Variants in ERBIN observed in about 807,000 individuals in gnomAD.
ERBIN encodes erbb2 interacting protein.
Under a neutral mutation model 158.4 loss-of-function variants are expected in ERBIN, and 60 were observed. That is an observed-to-expected ratio of 0.38 (90% CI 0.31 to 0.47). The LOEUF (loss-of-function observed/expected upper bound fraction) is 0.47, where lower values mean the gene tolerates loss of function less well. Ranked by LOEUF, ERBIN falls within the 20% of genes least tolerant of loss-of-function variation. The pLI, the probability that ERBIN is intolerant of heterozygous loss-of-function variation, is 0.99. For missense variants in ERBIN, 1,610 were observed against 1,648.0 expected, an observed-to-expected ratio of 0.98 and a Z score of 0.40; for synonymous variants, 594 against 557.2, an observed-to-expected ratio of 1.07 and a Z score of -0.93.
At position 66,053,657 on chromosome 5, in the gene ERBIN, T is replaced by A. The variant is rs879201748; in HGVS notation, c.2339T>A (p.Ile780Asn). ...LITNDTFQPE[I>N]MERSKTQDIV... The stretch of plus-strand genomic sequence containing the variant: ...ACTAATGATACATTTCAACCAGAGA[T>A]CATGGAAAGATCAAAAACACAGGAT... Residue 780 changes from isoleucine to asparagine, a missense_variant, in exon 21 of 26, where the codon ATC (isoleucine) becomes AAC (asparagine). Ile to Asn is a moderately radical substitution (Grantham distance 149). Around this residue, in one of 2 missense-constraint regions of ERBIN, gnomAD observed 1,014 missense variants for 936.1 expected, o/e 1.08. Transcript: ENST00000284037. The A allele has an allele frequency of 3.1e-6, 5 of 1,613,580 alleles. No individual in the cohort carries two copies. The South Asian group carries it at 4.4e-5, about 14-fold the overall frequency.
At position 66,079,049 on chromosome 5, in the gene ERBIN, T is replaced by C. The variant is rs989121790; in HGVS notation, c.*519T>C. ...GAATTGAAGAGTGAGTAGGTGAAGG[T>C]GGTGCTGGTGGGTTCACTTTCCAAG... On this transcript the variant is annotated 3_prime_UTR_variant, in exon 26 of 26. Coordinates refer to ENST00000284037, the MANE Select transcript of ERBIN (RefSeq NM_001253697.2). 48 of 153,314 alleles carry C rather than the reference T, an allele frequency of 3.1e-4. No homozygotes were observed. Among genetic ancestry groups the C allele is most frequent in the Non-Finnish European group, 1.3e-4 (9 of 68,494 alleles). 9.5% of individuals were successfully genotyped at this position (153,314 alleles called of 1,614,324 possible).
chr5:66,024,533 A>T, intron 10 of ERBIN, 83 bp downstream of exon 10: 1 of 1,353,950 alleles, frequency 7.4e-7, no homozygotes, highest in Non-Finnish European at 1.0e-6. Context: ...ACTTGTTATG[A>T]GGTAGTTATA....
chr5:65,959,502 T>C (rs539888068), intron 1 of ERBIN, among the ~76,000 whole-genome samples: 3 of 152,250 alleles, frequency 2.0e-5, no homozygotes, highest in Non-Finnish European at 4.4e-5. Context: ...TCAAGACTCA[T>C]ACAATTTAAT....
intron 1 of ERBIN, among the ~76,000 whole-genome samples, chr5:65,934,601 T>C (rs1743854824): frequency 6.6e-6 from 1 of 152,236 alleles, no homozygotes; most frequent in Non-Finnish European, 1.5e-5. Flanking sequence ...ATTCTTCTTA[T>C]TACGTCTTAT....
chr5:66,075,943 G>A (rs915918646), intron 23 of ERBIN, among the ~76,000 whole-genome samples: 1 of 152,150 alleles, frequency 6.6e-6, no homozygotes, highest in Non-Finnish European at 1.5e-5. Flanking sequence ...CAGAGATACT[G>A]TGTAATTTAG....
At chr5:66,019,924 T>C (rs1057085487) in intron 7 of ERBIN, among the ~76,000 whole-genome samples, 5 of 152,110 alleles carry the variant, frequency 3.3e-5, no homozygotes, top group African/African-American at 1.2e-4. Flanking sequence ...TCTTCACTTT[T>C]TGCAAATCTC....
At chr5:66,033,593 T>C (rs541290355) in intron 14 of ERBIN, among the ~76,000 whole-genome samples, 3 of 152,256 alleles carry the variant, frequency 2.0e-5, no homozygotes, top group African/African-American at 7.2e-5. Context: ...GCTAAAGTAA[T>C]TATAGAGGTA....
At chr5:65,952,987 A>G (rs867567270) in intron 1 of ERBIN, among the ~76,000 whole-genome samples, 5 of 152,324 alleles carry the variant, frequency 3.3e-5, no homozygotes, top group Middle Eastern at 3.4e-3. Context: ...CTTCCTTCGT[A>G]AGTATACCAT....
intron 21 of ERBIN, among the ~76,000 whole-genome samples, chr5:66,063,323 G>A (rs1055458862): frequency 7.2e-5 from 11 of 152,206 alleles, no homozygotes; most frequent in South Asian, 2.1e-4. Context: ...CTCCATGGGC[G>A]TAGGACCCTC....
intron 25 of ERBIN, among the ~76,000 whole-genome samples, chr5:66,078,106 C>T (rs769020299): frequency 1.3e-5 from 2 of 152,136 alleles, no homozygotes; most frequent in Non-Finnish European, 2.9e-5. Flanking sequence ...GCCCTTGCCC[C>T]CTGCTACGCT....
chr5:65,926,997 G>GC lies in ERBIN; in HGVS notation c.-58+199dup, dbSNP rs564334619. On this transcript the variant is annotated intron_variant, in intron 1 of 25. Transcript: ENST00000284037. ...CCCCACCGCGTCCCTTCTCCCCCCT[G>GC]CCCCCCCCACCATCTGGACTTTGAA... Among the ~76,000 whole-genome samples, 162 of 130,086 alleles carry GC rather than the reference G, an allele frequency of 1.2e-3. No homozygotes were observed. The South Asian group carries it at 0.014, about 11-fold the overall frequency. The allele number at this position is 130,086 out of a possible 152,430, so 85.3% of individuals were successfully genotyped here.
At chr5:66,076,242 A>G (rs1373374768) in intron 23 of ERBIN, 74 bp from the exon 24 acceptor site, 4 of 1,112,762 alleles carry the variant, frequency 3.6e-6, no homozygotes, top group Non-Finnish European at 5.4e-6. Flanking sequence ...ACCAATCAGT[A>G]TTTAAATATG....
At position 66,075,115 on chromosome 5, in the gene ERBIN, G is replaced by A; in HGVS notation, c.3848G>A (p.Arg1283Lys). The A allele has an allele frequency of 8.7e-6, 14 of 1,614,152 alleles. No homozygotes were observed. Among genetic ancestry groups the A allele is most frequent in the Non-Finnish European group, 1.2e-5 (14 of 1,180,026 alleles). Reference sequence around the variant, plus strand: ...CACCCCCCTCAGGCATCTGTGGCAAGGCATCCCTCTAGAGAACAACTAATT... The same window carrying A: ...CACCCCCCTCAGGCATCTGTGGCAAAGCATCCCTCTAGAGAACAACTAATT... ...IHHPPQASVA[R>K]HPSREQLIDY... Residue 1283 changes from arginine (R) to lysine (K), a missense_variant, in exon 23 of 26, where the codon AGG becomes AAG. By Grantham distance (26) the Arg-to-Lys change is conservative (BLOSUM62 2). This residue lies in a region of ERBIN where 1,014 missense variants were observed against 936.1 expected (regional missense o/e 1.08). Transcript: ENST00000284037.
chr5:65,986,103 G>C (rs1751198058), intron 1 of ERBIN, among the ~76,000 whole-genome samples: 1 of 152,056 alleles, frequency 6.6e-6, no homozygotes, highest in Non-Finnish European at 1.5e-5. Context: ...TCCTGCCCTT[G>C]ATGATCTCAT....
rs1016905971 is a variant in ERBIN, at chr5:65,978,158, A to G, written c.-57-10477A>G. On this transcript the variant is annotated intron_variant, in intron 1 of 25. Transcript: ENST00000284037. Reference sequence around the variant, plus strand: ...TAGCCAAGTCAACTCTATGCTAGGAACAGGTGAAATTTACCCACAGACTTC... The same window carrying G: ...TAGCCAAGTCAACTCTATGCTAGGAGCAGGTGAAATTTACCCACAGACTTC... Among the ~76,000 whole-genome samples, 8 of 152,318 alleles carry G rather than the reference A, an allele frequency of 5.3e-5. No individual in the cohort carries two copies. In the East Asian group the frequency reaches 5.8e-4, roughly 11 times the overall value.
At chr5:66,042,198 C>G (rs1179932396) in intron 15 of ERBIN, among the ~76,000 whole-genome samples, 1 of 151,978 alleles carries the variant, frequency 6.6e-6, no homozygotes, top group Non-Finnish European at 1.5e-5. Flanking sequence ...TACTTGTAAT[C>G]TCTCTGTTTT....
chr5:66,075,337 C>G (rs1045926350), intron 23 of ERBIN, 107 bp downstream of exon 23: 2 of 909,926 alleles, frequency 2.2e-6, no homozygotes, highest in Admixed American at 5.3e-5. Flanking sequence ...GTAGTTATTA[C>G]CATTTAAAGT....
intron 21 of ERBIN, among the ~76,000 whole-genome samples, chr5:66,060,244 A>G (rs1344209246): frequency 1.3e-5 from 2 of 152,116 alleles, no homozygotes. Flanking sequence ...CAGAGATTCA[A>G]CTTCTTCCTG....
chr5:66,068,820 C>G, intron 21 of ERBIN: 1 of 1,426,808 alleles, frequency 7.0e-7, no homozygotes, highest in Non-Finnish European at 9.3e-7. Flanking sequence ...TATAACATGT[C>G]TCGTGGATTT....
Sources: allele counts gnomAD v4.1 joint callset (sites outside exome capture counted in the v4.1 genomes callset), GRCh38; gene constraint gnomAD v4.1.1; regional missense constraint gnomAD v4.1.1; transcripts MANE v1.5; gene names NCBI Gene and HGNC (gene_info 2026-07-23, HGNC 2026-07-21).